Variants in RAB30 observed in about 807,000 individuals in gnomAD.
RAB30 encodes RAB30, member RAS oncogene family.
Under a neutral mutation model 25.1 loss-of-function variants are expected in RAB30, and 9 were observed. The ratio of observed to expected loss-of-function variants is 0.36; its 90% CI spans 0.22 to 0.63. The LOEUF (loss-of-function observed/expected upper bound fraction) is 0.63. RAB30 is among the 20% of genes least tolerant of loss of function. The pLI, the probability that RAB30 is intolerant of heterozygous loss-of-function variation, is 0.69. For missense variants in RAB30, 140 were observed against 243.5 expected (o/e 0.58, Z 2.83); for synonymous variants, 77 against 86.4 (o/e 0.89, Z 0.60).
intron 1 of RAB30, among the ~76,000 whole-genome samples, chr11:83,053,245 T>C (rs1212784999): frequency 6.6e-6 from 1 of 152,192 alleles, no homozygotes; most frequent in African/African-American, 2.4e-5. Flanking sequence ...AGTCACAACC[T>C]CTTTGAGCCT....
At chr11:83,048,468 CA>C (rs10650991) in intron 1 of RAB30, among the ~76,000 whole-genome samples, 1,951 of 119,300 alleles carry the variant, frequency 0.016, 19 homozygotes, top group Middle Eastern at 0.062. Context: ...GACACTGTCT[CA>C]AAAAAAAAAA....
At chr11:83,040,122 A>C (rs1858074223) in intron 1 of RAB30, among the ~76,000 whole-genome samples, 1 of 152,244 alleles carries the variant, frequency 6.6e-6, no homozygotes. Flanking sequence ...ACCAGACTCC[A>C]GCACGTCAAG....
chr11:83,051,834 A>G (rs1456695912), intron 1 of RAB30, among the ~76,000 whole-genome samples: 1 of 152,222 alleles, frequency 6.6e-6, no homozygotes, highest in Non-Finnish European at 1.5e-5. Context: ...TTTATCATAC[A>G]TAGCCAGCTC....
intron 1 of RAB30, 69 bp from the exon 2 acceptor site, chr11:82,997,393 C>T: frequency 1.8e-6 from 2 of 1,107,054 alleles, no homozygotes; most frequent in Non-Finnish European, 2.7e-6. Context: ...CAAGCTGCAC[C>T]AGCCTTCTCT....
chr11:83,026,266 G>C (rs1422972495), intron 1 of RAB30, among the ~76,000 whole-genome samples: 1 of 152,140 alleles, frequency 6.6e-6, no homozygotes, highest in Non-Finnish European at 1.5e-5. Flanking sequence ...GAGTAGAATA[G>C]GATACGTGAT....
At chr11:83,003,887 C>A (rs1857136619) in intron 1 of RAB30, among the ~76,000 whole-genome samples, 1 of 151,978 alleles carries the variant, frequency 6.6e-6, no homozygotes, top group Non-Finnish European at 1.5e-5. Flanking sequence ...GAACCGATTA[C>A]CAGAGACCCT....
chr11:83,019,389 T>C (rs1337494146), intron 1 of RAB30, among the ~76,000 whole-genome samples: 1 of 152,222 alleles, frequency 6.6e-6, no homozygotes, highest in Non-Finnish European at 1.5e-5. Context: ...AGATGGAAAT[T>C]AAGGTACAGG....
At position 83,008,870 on chromosome 11, in the gene RAB30, A is replaced by C. The variant is rs1337365111; in HGVS notation, c.-8-11546T>G. Among the ~76,000 whole-genome samples, 3 of 152,198 alleles carry C rather than the reference A, an allele frequency of 2.0e-5. No homozygotes were observed. The East Asian group carries it at 5.8e-4, about 29-fold the overall frequency. ...CAGCCAGTCTACGAAGTGTTTTCCC[A>C]AAAGTGCCAACTAATTATCAGCCTT... On this transcript the variant is annotated intron_variant, in intron 1 of 4. Coordinates refer to ENST00000527633, the MANE Select transcript of RAB30 (RefSeq NM_001286060.2).
At chr11:83,023,208 G>A (rs1282823699) in intron 1 of RAB30, among the ~76,000 whole-genome samples, 2 of 152,038 alleles carry the variant, frequency 1.3e-5, no homozygotes, top group African/African-American at 4.8e-5. Context: ...CCTGAAGTTA[G>A]AAAAATAAGA....
At chr11:82,995,354 A>AT (rs768667662) in intron 2 of RAB30, among the ~76,000 whole-genome samples, 14 of 152,190 alleles carry the variant, frequency 9.2e-5, no homozygotes, top group Admixed American at 5.9e-4. Context: ...ATTTTCTTCT[A>AT]TTTTGGCTTG....
chr11:83,066,245 T>C (rs1858693706), intron 1 of RAB30, among the ~76,000 whole-genome samples: 1 of 152,222 alleles, frequency 6.6e-6, no homozygotes, highest in African/African-American at 2.4e-5. Context: ...AAACCCAATG[T>C]AGAGAATTTT....
At chr11:83,041,152 C>G (rs576819315) in intron 1 of RAB30, 1 of 151,898 alleles carries the variant, frequency 6.6e-6, no homozygotes, top group East Asian at 1.9e-4. Flanking sequence ...GCTGAGATCA[C>G]ACCACTGTAC....
At chr11:83,021,038 C>T (rs553107064) in intron 1 of RAB30, among the ~76,000 whole-genome samples, 4 of 152,274 alleles carry the variant, frequency 2.6e-5, no homozygotes, top group Non-Finnish European at 4.4e-5. Context: ...AACCTGCCTG[C>T]GGAGAGGAGC....
At chr11:83,025,370 C>A (rs1857685533) in intron 1 of RAB30, among the ~76,000 whole-genome samples, 1 of 152,220 alleles carries the variant, frequency 6.6e-6, no homozygotes, top group Non-Finnish European at 1.5e-5. Context: ...ACTGTTATAG[C>A]TGCCCTCACT....
Position 82,978,314 on chromosome 11 carries a change from AGTT to A in RAB30, c.*3848_*3850del, listed in dbSNP as rs1405103798. On this transcript the variant is annotated 3_prime_UTR_variant, in exon 5 of 5. Transcript: ENST00000527633. ...AAGTACTCATTACTATGAAATACAG[AGTT>A]CTACAAGATTAAGAAATAAAAAAGA... 2.0e-5 allele frequency: 3 copies of A among 152,186 alleles called. No individual in the cohort carries two copies. The highest frequency in any genetic ancestry group is 7.2e-5 in the African/African-American group (3 of 41,442). 9.4% of individuals were successfully genotyped at this position (152,186 alleles called of 1,614,324 possible).
intron 1 of RAB30, among the ~76,000 whole-genome samples, chr11:83,038,051 A>AG (rs1433912061): frequency 6.6e-6 from 1 of 152,214 alleles, no homozygotes; most frequent in Non-Finnish European, 1.5e-5. Context: ...GAAGGGTTAA[A>AG]GAAAAAAACA....
At chr11:82,991,335 AC>A in intron 3 of RAB30, among the ~76,000 whole-genome samples, 1 of 151,904 alleles carries the variant, frequency 6.6e-6, no homozygotes, top group African/African-American at 2.4e-5. Context: ...CCCCATCTCT[AC>A]AAAAAATAAA....
At chr11:83,042,595 G>T (rs1200126783) in intron 1 of RAB30, among the ~76,000 whole-genome samples, 1 of 152,020 alleles carries the variant, frequency 6.6e-6, no homozygotes, top group East Asian at 1.9e-4. Flanking sequence ...CTTTCTCTAG[G>T]AAATGGCAAC....
chr11:83,049,583 C>G (rs1157022285), intron 1 of RAB30, among the ~76,000 whole-genome samples: 1 of 151,428 alleles, frequency 6.6e-6, no homozygotes, highest in Non-Finnish European at 1.5e-5. Flanking sequence ...GGGGCTCAAG[C>G]AATCTTCTCA....
Sources: allele counts gnomAD v4.1 joint callset (sites outside exome capture counted in the v4.1 genomes callset), GRCh38; gene constraint gnomAD v4.1.1; transcripts MANE v1.5; gene names NCBI Gene and HGNC (gene_info 2026-07-23, HGNC 2026-07-21).